Variants in DROSHA observed in about 807,000 individuals in gnomAD.
DROSHA encodes the protein ribonuclease 3.
DROSHA carries 56 observed loss-of-function variants against 181.9 expected under a neutral mutation model. The observed-to-expected ratio is 0.31, with a 90% confidence interval of 0.25 to 0.38. The LOEUF (loss-of-function observed/expected upper bound fraction) is 0.38, where lower values mean the gene tolerates loss of function less well. DROSHA is among the 10% of genes least tolerant of loss of function. The probability of loss-of-function intolerance (pLI) is 1.00; values close to 1 mark genes in which losing one functional copy is unlikely to be tolerated. For synonymous variants in DROSHA, 524 were observed against 591.2 expected (o/e 0.89, Z 1.65); for missense variants, 1,218 against 1,743.5 (o/e 0.70, Z 5.37).
chr5:31,498,972 G>A (rs1580309814), intron 11 of DROSHA, among the ~76,000 whole-genome samples: 2 of 152,158 alleles, frequency 1.3e-5, no homozygotes, highest in African/African-American at 4.8e-5. Context: ...GCTGTGCCAC[G>A]CAGACCCACG....
chr5:31,481,476 G>C (rs1226359328), intron 16 of DROSHA, among the ~76,000 whole-genome samples: 1 of 152,136 alleles, frequency 6.6e-6, no homozygotes, highest in African/African-American at 2.4e-5. Context: ...GATATAGAAA[G>C]GAAAAGGCTT....
Position 31,409,285 on chromosome 5 carries a change from T to C in DROSHA, c.3715A>G (p.Thr1239Ala). 6 of 1,592,654 alleles carry C rather than the reference T, an allele frequency of 3.8e-6. No individual in the cohort carries two copies. Among genetic ancestry groups the C allele is most frequent in the Non-Finnish European group, 4.3e-6 (5 of 1,168,758 alleles). ...GGAAAGAAGCAGACATTCATGAAAGTATGAACATATTCCAAATCCTTATCA... is the reference window on the plus strand; with the variant it reads ...GGAAAGAAGCAGACATTCATGAAAGCATGAACATATTCCAAATCCTTATCA... Reference protein sequence around the residue: ...YIDKDLEYVHTFMNVCFFPRL... With the variant: ...YIDKDLEYVHAFMNVCFFPRL... The change falls in exon 32 of 36, where the codon ACT becomes GCT. Residue 1239 changes from threonine (T) to alanine (A), a missense_variant. This residue lies in a region of DROSHA where 47 missense variants were observed against 70.6 expected (regional missense o/e 0.67). Transcript: ENST00000344624. This position sits in a 1 kb window ranked among gnomAD's most constrained non-coding sequence, Gnocchi z 4.0.
At chr5:31,528,659 G>A (rs1229241448) in intron 4 of DROSHA, among the ~76,000 whole-genome samples, 2 of 152,044 alleles carry the variant, frequency 1.3e-5, no homozygotes, top group Non-Finnish European at 1.5e-5. Context: ...TATCCTTGCT[G>A]GCCTTTCTAC....
At chr5:31,423,941 AATTTACAGGTTTTAT>A (rs1743112960) in intron 28 of DROSHA, among the ~76,000 whole-genome samples, 1 of 152,196 alleles carries the variant, frequency 6.6e-6, no homozygotes, top group Admixed American at 6.5e-5. Context: ...CTAATTTTTT[AATTTACAGGTTTTAT>A]ACACTCTGAA....
chr5:31,441,481 CT>C (rs563537125), intron 23 of DROSHA, among the ~76,000 whole-genome samples: 2 of 151,908 alleles, frequency 1.3e-5, no homozygotes, highest in African/African-American at 4.8e-5. Flanking sequence ...CTTTAAAGGA[CT>C]TTTTTTTGTC....
chr5:31,426,701 C>T (rs1312718440), intron 27 of DROSHA, among the ~76,000 whole-genome samples: 2 of 152,068 alleles, frequency 1.3e-5, no homozygotes, highest in Admixed American at 6.6e-5. Context: ...ATTAAAAAAA[C>T]GGCTGACAGA....
intron 26 of DROSHA, among the ~76,000 whole-genome samples, chr5:31,431,098 A>G (rs1020302881): frequency 6.6e-6 from 1 of 152,190 alleles, no homozygotes; most frequent in Non-Finnish European, 1.5e-5. Flanking sequence ...CTTCAAGTGA[A>G]TCAATAACAG....
chr5:31,472,216 C>A lies in DROSHA; in HGVS notation c.2088G>T (p.Val696=). The A allele has an allele frequency of 6.2e-7, 1 of 1,607,776 alleles. No individual in the cohort carries two copies. Among genetic ancestry groups the A allele is most frequent in the South Asian group, 1.1e-5 (1 of 89,952 alleles). Residue 696 remains valine, a synonymous_variant, in exon 17 of 36, where the codon GTG becomes GTT. Transcript: ENST00000344624. Reference sequence around the variant, plus strand: ...ACAGGAGAATCTGGTGCATGGACAGCACTTCCTTTCCTCCATCTTGGGTGG... The same window carrying A: ...ACAGGAGAATCTGGTGCATGGACAGAACTTCCTTTCCTCCATCTTGGGTGG... ...VRFLPDGGKE[V]LSMHQILLYL...
chr5:31,453,310 C>T (rs1470751648), intron 20 of DROSHA, among the ~76,000 whole-genome samples: 1 of 152,156 alleles, frequency 6.6e-6, no homozygotes, highest in Non-Finnish European at 1.5e-5. Context: ...ATCCTCCCAC[C>T]TCAGCCACCA....
chr5:31,486,386 T>C, intron 14 of DROSHA, 105 bp downstream of exon 14: 3 of 1,101,118 alleles, frequency 2.7e-6, no homozygotes, highest in Non-Finnish European at 4.0e-6. Flanking sequence ...TTTAGAGATA[T>C]TCCTGGCAAA....
intron 23 of DROSHA, among the ~76,000 whole-genome samples, chr5:31,442,051 T>C (rs1214482042): frequency 6.6e-6 from 1 of 152,222 alleles, no homozygotes; most frequent in East Asian, 1.9e-4. Context: ...TTGGCATAAG[T>C]TTTACCTTAA....
chr5:31,483,885 A>C (rs1460472012), intron 15 of DROSHA, among the ~76,000 whole-genome samples: 1 of 152,176 alleles, frequency 6.6e-6, no homozygotes, highest in Non-Finnish European at 1.5e-5. Context: ...CAAGTAGCAA[A>C]TACATACAGT....
chr5:31,493,044 C>T (rs934888905), intron 13 of DROSHA, among the ~76,000 whole-genome samples, 163 bp downstream of exon 13: 1 of 152,212 alleles, frequency 6.6e-6, no homozygotes, highest in Non-Finnish European at 1.5e-5. Context: ...CACAATGCCA[C>T]CTGATGCACT....
At chr5:31,439,471 T>G (rs554650003) in intron 23 of DROSHA, among the ~76,000 whole-genome samples, 1 of 152,268 alleles carries the variant, frequency 6.6e-6, no homozygotes, top group South Asian at 2.1e-4. Flanking sequence ...CTGTTATTTA[T>G]TTACTTTTTA....
chr5:31,508,747 AGAC>A lies in DROSHA; in HGVS notation c.1458_1460del (p.Glu486_Ser487delinsAsp), dbSNP rs746585643. On this transcript the variant is annotated inframe_deletion, in exon 10 of 36. Transcript: ENST00000344624. ...TGCTAGAACAGGTGCTGTCCTCATC[AGAC>A]TCACACTCGGATTCACTGGAACTCT... is the stretch of plus-strand genomic sequence containing the variant. 1 of 1,613,904 alleles carries A rather than the reference AGAC, an allele frequency of 6.2e-7. No homozygotes were observed. Among genetic ancestry groups the A allele is most frequent in the Non-Finnish European group, 8.5e-7 (1 of 1,179,848 alleles).
intron 33 of DROSHA, among the ~76,000 whole-genome samples, chr5:31,407,249 A>G (rs1259491531): frequency 6.6e-6 from 1 of 152,224 alleles, no homozygotes; most frequent in Admixed American, 6.5e-5. Flanking sequence ...AAGAATTTCT[A>G]AGTGTGCATA....
chr5:31,520,970 C>A (rs1739825246), intron 6 of DROSHA, among the ~76,000 whole-genome samples, 153 bp downstream of exon 6: 1 of 152,088 alleles, frequency 6.6e-6, no homozygotes, highest in Non-Finnish European at 1.5e-5. Context: ...AAAGTAAAGT[C>A]TTTTAAATTA....
chr5:31,474,489 A>T (rs968173190), intron 16 of DROSHA, among the ~76,000 whole-genome samples: 6 of 152,070 alleles, frequency 3.9e-5, no homozygotes, highest in East Asian at 1.9e-4. Context: ...CAGCATCCCA[A>T]GTAGCTGGGA....
rs201046379 is a variant in DROSHA at position 31,466,031 on chromosome 5, C to T, written c.2466+151G>A. On this transcript the variant is annotated intron_variant, in intron 19 of 35. Transcript: ENST00000344624. Reference sequence around the variant, plus strand: ...ATTAAAAGATTTTTTAAAATCAATTCGTATAATAATGGGGGGAGGAGGGTA... The same window carrying T: ...ATTAAAAGATTTTTTAAAATCAATTTGTATAATAATGGGGGGAGGAGGGTA... 1.2e-4 allele frequency: 89 copies of T among 733,488 alleles called. No individual in the cohort carries two copies. The East Asian group carries it at 2.2e-3, about 18-fold the overall frequency. 45.4% of individuals were successfully genotyped at this position (733,488 alleles called of 1,614,324 possible).
Sources: allele counts gnomAD v4.1 joint callset (sites outside exome capture counted in the v4.1 genomes callset), GRCh38; gene constraint gnomAD v4.1.1; regional missense constraint gnomAD v4.1.1; non-coding constraint Gnocchi (gnomAD v3.1); transcripts MANE v1.5; gene names NCBI Gene and HGNC (gene_info 2026-07-23, HGNC 2026-07-21).